Variants in ZNF787 observed in about 807,000 individuals in gnomAD.
The protein encoded by ZNF787 is zinc finger protein 787.
ZNF787 carries 7 observed loss-of-function variants against 16.9 expected under a neutral mutation model. That is an observed-to-expected ratio of 0.42 (90% CI 0.24 to 0.78). The LOEUF (loss-of-function observed/expected upper bound fraction) is 0.78. Ranked by LOEUF, ZNF787 falls within the 30% of genes least tolerant of loss-of-function variation. The pLI is 0.30. For missense variants in ZNF787, 551 were observed against 589.3 expected (o/e 0.94, Z 0.67); for synonymous variants, 345 against 270.9 (o/e 1.27, Z -2.69).
At chr19:56,102,628 T>C (rs111979728) in intron 2 of ZNF787, 3 of 473,438 alleles carry the variant, frequency 6.3e-6, no homozygotes, top group East Asian at 6.5e-5. Context: ...AACTGACAAC[T>C]TTCCCTGAAA....
At chr19:56,111,179 G>A (rs933589410) in intron 1 of ZNF787, among the ~76,000 whole-genome samples, 5 of 152,018 alleles carry the variant, frequency 3.3e-5, no homozygotes, top group Non-Finnish European at 4.4e-5. Flanking sequence ...GGGTGCCGGC[G>A]TTTGGGGTGC....
chr19:56,119,907 G>A (rs1364993073), intron 1 of ZNF787, among the ~76,000 whole-genome samples: 1 of 152,242 alleles, frequency 6.6e-6, no homozygotes, highest in African/African-American at 2.4e-5. Context: ...GCTTCCCGGC[G>A]CTGGGGTCAA....
chr19:56,107,752 C>T (rs1257758026), intron 1 of ZNF787, among the ~76,000 whole-genome samples: 5 of 151,756 alleles, frequency 3.3e-5, no homozygotes, highest in African/African-American at 1.2e-4. Context: ...AGAAAGAAGG[C>T]ACCACAGGAG....
chr19:56,090,765 T>C (rs575245822), intron 2 of ZNF787, among the ~76,000 whole-genome samples: 164 of 152,336 alleles, frequency 1.1e-3, no homozygotes, highest in African/African-American at 3.0e-3. Flanking sequence ...GAGGTTGCAG[T>C]GAGCTGAGAT....
chr19:56,119,872 G>C (rs553124530), intron 1 of ZNF787, among the ~76,000 whole-genome samples: 3 of 152,262 alleles, frequency 2.0e-5, no homozygotes, highest in Admixed American at 6.5e-5. Context: ...CTTCAGAGGA[G>C]CTAAGCCAGG....
chr19:56,112,448 C>T (rs2030007493), intron 1 of ZNF787, among the ~76,000 whole-genome samples: 1 of 152,042 alleles, frequency 6.6e-6, no homozygotes, highest in African/African-American at 2.4e-5. Flanking sequence ...CTTGAGAGAT[C>T]CAATTAGCAC....
chr19:56,091,371 T>C (rs1249787831), intron 2 of ZNF787, among the ~76,000 whole-genome samples: 1 of 152,240 alleles, frequency 6.6e-6, no homozygotes, highest in Non-Finnish European at 1.5e-5. Flanking sequence ...ACATGAATTC[T>C]GAACACAAAA....
At chr19:56,093,006 CAGG>C (rs1250147605) in intron 2 of ZNF787, among the ~76,000 whole-genome samples, 2 of 150,950 alleles carry the variant, frequency 1.3e-5, no homozygotes, top group Non-Finnish European at 2.9e-5. Flanking sequence ...CCCATAGACA[CAGG>C]AGGTGGCGGA....
In ZNF787 at chr19:56,087,831, A is replaced by T. The variant is rs1412296640; in HGVS notation, c.*192T>A. Reference sequence around the variant, plus strand: ...CTGAGGGGGCAGAGTCTCGAGGCGGAGAAGTGAACGGGCCCTAATACGCCC... The same window carrying T: ...CTGAGGGGGCAGAGTCTCGAGGCGGTGAAGTGAACGGGCCCTAATACGCCC... On this transcript the variant is annotated 3_prime_UTR_variant, in exon 3 of 3. Transcript: ENST00000610935. 2 of 898,264 alleles carry T rather than the reference A, an allele frequency of 2.2e-6. No homozygotes were observed. The highest frequency in any genetic ancestry group is 1.8e-5 in the African/African-American group (1 of 57,038). The allele number at this position is 898,264 out of a possible 1,614,324, so 55.6% of individuals were successfully genotyped here.
intron 1 of ZNF787, among the ~76,000 whole-genome samples, chr19:56,112,741 A>C (rs1247695755): frequency 1.3e-5 from 2 of 148,838 alleles, no homozygotes; most frequent in African/African-American, 5.0e-5. Context: ...CTGGGCTAAC[A>C]CCCTCTCTGA....
Position 56,088,483 on chromosome 19 carries a change from T to C in ZNF787, c.689A>G (p.Asp230Gly). The change falls in exon 3 of 3, where the codon GAC becomes GGC. Residue 230 changes from aspartate (D) to glycine (G), a missense_variant. This residue lies in a region of ZNF787 where 392 missense variants were observed against 312.7 expected (regional missense o/e 1.25). Transcript: ENST00000610935. This position sits in a 1 kb window ranked among gnomAD's most constrained non-coding sequence, Gnocchi z 8.6. ...AKGPEEAVAA[D>G]GEIAIPVGDG... The stretch of plus-strand genomic sequence containing the variant: ...GCCCACGGGGATGGCGATCTCGCCG[T>C]CCGCCGCCACCGCCTCTTCGGGCCC... 5 of 1,346,086 alleles carry C rather than the reference T, an allele frequency of 3.7e-6. No homozygotes were observed. The highest frequency in any genetic ancestry group is 4.8e-6 in the Non-Finnish European group (5 of 1,051,112). The allele number at this position is 1,346,086 out of a possible 1,614,324, so 83.4% of individuals were successfully genotyped here.
chr19:56,088,867 G>A lies in ZNF787; in HGVS notation c.305C>T (p.Thr102Ile). 1 of 1,608,216 alleles carries A rather than the reference G, an allele frequency of 6.2e-7. No individual in the cohort carries two copies. The highest frequency in any genetic ancestry group is 8.5e-7 in the Non-Finnish European group (1 of 1,177,280). The change falls in exon 3 of 3, where the codon ACC (threonine) becomes ATC (isoleucine). Residue 102 changes from threonine (T) to isoleucine (I), a missense_variant. By Grantham distance (89) the Thr-to-Ile change is moderately conservative (BLOSUM62 -1). This residue lies in a region of ZNF787 where 39 missense variants were observed against 109.9 expected (regional missense o/e 0.35). Transcript: ENST00000610935. This position sits in a 1 kb window ranked among gnomAD's most constrained non-coding sequence, Gnocchi z 8.6. ...RPNACADCGK[T>I]FSQSSHLVQH... ...CACCAGGTGCGAGCTCTGCGAGAAG[G>A]TCTTGCCGCAGTCGGCGCAGGCGTT...
rs866358071 is a variant in ZNF787, at chr19:56,088,666, C to T, written c.506G>A (p.Arg169Gln). 1 of 1,572,632 alleles carries T rather than the reference C, an allele frequency of 6.4e-7. No homozygotes were observed. The highest frequency in any genetic ancestry group is 8.6e-7 in the Non-Finnish European group (1 of 1,164,894). Reference protein sequence around the residue: ...FTQSKSLAKHRRSHSGLKPFV... With the variant: ...FTQSKSLAKHQRSHSGLKPFV... The stretch of plus-strand genomic sequence containing the variant: ...GGGCTTGAGGCCGCTGTGCGAGCGC[C>T]GGTGCTTGGCCAGGCTCTTGCTCTG... The change falls in exon 3 of 3, where the codon CGG (arginine) becomes CAG (glutamine). Residue 169 changes from arginine (R) to glutamine (Q), a missense_variant. Around this residue, in one of 4 missense-constraint regions of ZNF787, gnomAD observed 40 missense variants for 60.7 expected, o/e 0.66. Transcript: ENST00000610935. The surrounding 1 kb of genome is among the most constrained non-coding windows in gnomAD (Gnocchi z 8.6).
intron 2 of ZNF787, chr19:56,102,274 G>A (rs1486831441): frequency 1.3e-5 from 2 of 152,332 alleles, no homozygotes; most frequent in African/African-American, 4.8e-5. Context: ...CCTGCAAGAT[G>A]AACAGTATTT....
At chr19:56,119,856 T>C (rs1044229433) in intron 1 of ZNF787, among the ~76,000 whole-genome samples, 1 of 152,232 alleles carries the variant, frequency 6.6e-6, no homozygotes, top group African/African-American at 2.4e-5. Flanking sequence ...CAAAGAGGCT[T>C]ACGGTCTTCA....
intron 2 of ZNF787, among the ~76,000 whole-genome samples, chr19:56,090,316 G>A (rs112155578): frequency 1.1e-4 from 16 of 152,016 alleles, no homozygotes; most frequent in Non-Finnish European, 2.4e-4. Context: ...CTAGGGAGTC[G>A]AGTCACAGCC....
chr19:56,107,506 T>TGAGACAATGGGGTCACC (rs1568532190), intron 1 of ZNF787, among the ~76,000 whole-genome samples: 1 of 147,758 alleles, frequency 6.8e-6, no homozygotes, highest in Non-Finnish European at 1.5e-5. Context: ...ACGGGGTCAC[T>TGAGACAATGGGGTCACC]GTGAGACAAT....
chr19:56,114,191 G>T (rs1265408117), intron 1 of ZNF787, among the ~76,000 whole-genome samples: 1 of 152,156 alleles, frequency 6.6e-6, no homozygotes, highest in Non-Finnish European at 1.5e-5. Flanking sequence ...CTCCCTTCCA[G>T]CTGGCCCGGA....
At chr19:56,099,710 CAAAA>C (rs10683508) in intron 2 of ZNF787, among the ~76,000 whole-genome samples, 4 of 106,582 alleles carry the variant, frequency 3.8e-5, no homozygotes, top group African/African-American at 1.5e-4. Flanking sequence ...GGCTCCGTCT[CAAAA>C]AAAAAAAAAA....
Sources: allele counts gnomAD v4.1 joint callset (sites outside exome capture counted in the v4.1 genomes callset), GRCh38; gene constraint gnomAD v4.1.1; regional missense constraint gnomAD v4.1.1; non-coding constraint Gnocchi (gnomAD v3.1); transcripts MANE v1.5; gene names NCBI Gene and HGNC (gene_info 2026-07-23, HGNC 2026-07-21).